Variants in CTIF observed in about 807,000 individuals in gnomAD.
CTIF encodes the protein cap binding complex dependent translation initiation factor, also known as CBP80/20-dependent translation initiation factor.
In CTIF, 21 loss-of-function variants were observed where a neutral mutation model predicts 66.0. The observed-to-expected ratio is 0.32, with a 90% CI of 0.23 to 0.46. CTIF has a LOEUF of 0.46. Among genes scored for constraint, CTIF ranks in the 20% least tolerant of loss-of-function variants. CTIF has a pLI of 1.00. For missense variants in CTIF, 739 were observed against 812.7 expected (o/e 0.91, Z 1.10); for synonymous variants, 345 against 326.4 (o/e 1.06, Z -0.62).
At chr18:48,569,312 G>C (rs1387520511) in intron 1 of CTIF, among the ~76,000 whole-genome samples, 3 of 152,256 alleles carry the variant, frequency 2.0e-5, no homozygotes, top group East Asian at 3.9e-4. Context: ...GAAAAGGAGA[G>C]AACTGGAAAA....
chr18:48,749,656 A>C (rs1907605712), intron 7 of CTIF, among the ~76,000 whole-genome samples: 1 of 152,226 alleles, frequency 6.6e-6, no homozygotes, highest in African/African-American at 2.4e-5. Flanking sequence ...AACTCACAAG[A>C]ACCCTATGAG....
intron 1 of CTIF, among the ~76,000 whole-genome samples, chr18:48,575,671 G>A (rs944304903): frequency 2.0e-5 from 3 of 152,096 alleles, no homozygotes; most frequent in African/African-American, 7.3e-5. Context: ...TTGCTCTCCC[G>A]GGAGGGTCTC....
chr18:48,714,544 A>G (rs776231105), intron 7 of CTIF, among the ~76,000 whole-genome samples: 29 of 152,336 alleles, frequency 1.9e-4, no homozygotes, highest in Middle Eastern at 3.4e-3. Flanking sequence ...TGCTGAAGCT[A>G]GGAGCATGCA....
In CTIF at chr18:48,722,857, G is replaced by C. The variant is rs528087738; in HGVS notation, c.584+11162G>C. ...TTGGCTGTACTCATTGATGTAGCAG[G>C]CTGTGCATCCCACTGGTTCTGAGGG... is the stretch of plus-strand genomic sequence containing the variant. On this transcript the variant is annotated intron_variant, in intron 7 of 11. Coordinates refer to ENST00000256413, the MANE Select transcript of CTIF (RefSeq NM_014772.3). Among the ~76,000 whole-genome samples, 3 of 152,330 alleles carry C rather than the reference G, an allele frequency of 2.0e-5. No individual in the cohort carries two copies. In the East Asian group the frequency reaches 5.8e-4, roughly 29 times the overall value.
At chr18:48,725,534 C>G (rs977478521) in intron 7 of CTIF, among the ~76,000 whole-genome samples, 2 of 152,136 alleles carry the variant, frequency 1.3e-5, no homozygotes, top group Admixed American at 6.5e-5. Context: ...CCCACCACCC[C>G]CTTAGGGTGA....
rs114604918 is a variant in CTIF, at chr18:48,731,402, T to A, written c.584+19707T>A. The stretch of plus-strand genomic sequence containing the variant: ...GAGATGCCTGGAAGCTTCTGGAGAA[T>A]GGAGAGGTCCCCATTTCCTAACCCA... On this transcript the variant is annotated intron_variant, in intron 7 of 11. Transcript: ENST00000256413. Among the ~76,000 whole-genome samples the A allele has an allele frequency of 8.5e-3, 1,288 of 152,294 alleles. 25 individuals carry two copies. The highest frequency in any genetic ancestry group is 0.029 in the African/African-American group (1,211 of 41,556).
At chr18:48,618,802 T>C (rs299705) in intron 1 of CTIF, among the ~76,000 whole-genome samples, 64,570 of 152,052 alleles carry the variant, frequency 0.42, 15,509 homozygotes, top group African/African-American at 0.66. Flanking sequence ...AGAGAGAGGG[T>C]GCGAGGGCTA....
At chr18:48,719,962 C>A (rs183952271) in intron 7 of CTIF, among the ~76,000 whole-genome samples, 1 of 152,314 alleles carries the variant, frequency 6.6e-6, no homozygotes, top group East Asian at 1.9e-4. Flanking sequence ...AATAAGGTTT[C>A]TTTAAACAGA....
chr18:48,660,115 G>T (rs567663428), intron 3 of CTIF, among the ~76,000 whole-genome samples: 1 of 134,608 alleles, frequency 7.4e-6, no homozygotes, highest in South Asian at 2.4e-4. Flanking sequence ...GCTCCTCTGG[G>T]AATGGCAGGG....
intron 6 of CTIF, among the ~76,000 whole-genome samples, chr18:48,678,557 GCGAGC>G (rs1444550128): frequency 6.6e-6 from 1 of 151,734 alleles, no homozygotes; most frequent in African/African-American, 2.4e-5. Flanking sequence ...GCTCTGTGAG[GCGAGC>G]CTATTTTTAT....
At position 48,758,087 on chromosome 18, in the gene CTIF, C is replaced by A. The variant is rs899619124; in HGVS notation, c.753C>A (p.His251Gln). ...GCTACAGCCAGAACCGGCGCTGGCA[C>A]CATGGCAACATGAAGCACCCACCAG... ...HHGYSQNRRW[H>Q]HGNMKHPPGD... is the part of the protein sequence containing the mutation. Residue 251 changes from histidine (H) to glutamine (Q), a missense_variant, in exon 8 of 12, where the codon CAC becomes CAA. Physicochemically the swap from His to Gln is conservative, Grantham distance 24. Coordinates refer to ENST00000256413, the MANE Select transcript of CTIF (RefSeq NM_014772.3). The A allele has an allele frequency of 6.2e-7, 1 of 1,614,088 alleles. No homozygotes were observed. Among genetic ancestry groups the A allele is most frequent in the Admixed American group, 1.7e-5 (1 of 60,026 alleles).
At chr18:48,593,672 A>G (rs71355347) in intron 1 of CTIF, among the ~76,000 whole-genome samples, 7 of 151,492 alleles carry the variant, frequency 4.6e-5, no homozygotes, top group East Asian at 1.9e-4. Flanking sequence ...GTGAGCCACC[A>G]CACCCGGCCA....
intron 6 of CTIF, among the ~76,000 whole-genome samples, chr18:48,694,102 G>A (rs2091972656): frequency 6.6e-6 from 1 of 152,236 alleles, no homozygotes; most frequent in African/African-American, 2.4e-5. Context: ...AGCTGTTGGG[G>A]TGGCAGGTGC....
intron 11 of CTIF, among the ~76,000 whole-genome samples, chr18:48,857,899 C>A (rs2069366987): frequency 6.6e-6 from 1 of 152,078 alleles, no homozygotes; most frequent in Non-Finnish European, 1.5e-5. Context: ...ACTTCCCTGT[C>A]CCCCAAAGAC....
intron 7 of CTIF, among the ~76,000 whole-genome samples, chr18:48,730,367 C>CCCTGCGGTGTGAGGGGCT (rs1568171243): frequency 1.4e-5 from 1 of 72,158 alleles, no homozygotes; most frequent in Non-Finnish European, 2.9e-5. Context: ...TGTGAGGGGC[C>CCCTGCGGTGTGAGGGGCT]CCTGCGGTGT....
At chr18:48,618,513 C>T (rs993375417) in intron 1 of CTIF, among the ~76,000 whole-genome samples, 2 of 152,204 alleles carry the variant, frequency 1.3e-5, no homozygotes, top group Non-Finnish European at 2.9e-5. Context: ...AGCTTTAAAT[C>T]CCCTTCCCAT....
intron 6 of CTIF, among the ~76,000 whole-genome samples, chr18:48,707,889 C>G (rs766782111): frequency 6.6e-6 from 1 of 152,184 alleles, no homozygotes; most frequent in African/African-American, 2.4e-5. Context: ...CCCTTCCCAG[C>G]CCCTGGCAAC....
intron 7 of CTIF, among the ~76,000 whole-genome samples, chr18:48,745,115 C>T (rs1015362938): frequency 4.6e-5 from 7 of 151,702 alleles, no homozygotes; most frequent in Non-Finnish European, 8.8e-5. Context: ...AGCCACTGTG[C>T]CCAGCCAACC....
In CTIF at chr18:48,821,060, T is replaced by C. The variant is rs79081474; in HGVS notation, c.1527+3684T>C. 1.8e-3 allele frequency among the ~76,000 whole-genome samples: 278 copies of C among 152,344 alleles called. 1 individual carries two copies. The highest frequency in any genetic ancestry group is 6.4e-3 in the African/African-American group (266 of 41,586). ...TCATCAAATTAACCATTCTTTAAGT[T>C]ACTCAAGCTTGAAACTTTGGAGTCA... On this transcript the variant is annotated intron_variant, in intron 10 of 11. Coordinates refer to ENST00000256413, the MANE Select transcript of CTIF (RefSeq NM_014772.3).
Sources: allele counts gnomAD v4.1 joint callset (sites outside exome capture counted in the v4.1 genomes callset), GRCh38; gene constraint gnomAD v4.1.1; transcripts MANE v1.5; gene names NCBI Gene and HGNC (gene_info 2026-07-23, HGNC 2026-07-21).